The following PHEX variants were observed in gnomAD, a reference collection of about 807,000 sequenced individuals.
PHEX encodes phosphate regulating endopeptidase X-linked.
A neutral mutation model predicts 68.0 loss-of-function variants in PHEX; 16 were observed. That is an observed-to-expected ratio of 0.24 (90% CI 0.16 to 0.36). The LOEUF (loss-of-function observed/expected upper bound fraction) is 0.36. Ranked by LOEUF, PHEX falls within the 10% of genes least tolerant of loss-of-function variation. The pLI, the probability that PHEX is intolerant of heterozygous loss-of-function variation, is 1.00. For missense variants in PHEX, 480 were observed against 575.5 expected (o/e 0.83, Z 1.70); for synonymous variants, 208 against 205.1 (o/e 1.01, Z -0.12).
chrX:22,201,588 A>T (rs887003625), intron 15 of PHEX, among the ~76,000 whole-genome samples: 1 of 111,536 alleles, frequency 9.0e-6, no homozygotes, highest in Non-Finnish European at 1.9e-5. Context: ...GAGGCACCTG[A>T]GAATGGTGTT....
At chrX:22,132,319 G>A (rs1932043634) in intron 11 of PHEX, among the ~76,000 whole-genome samples, 1 of 110,924 alleles carries the variant, frequency 9.0e-6, no homozygotes, top group Non-Finnish European at 1.9e-5. Context: ...TGTTGCCCAG[G>A]CTGGTCTCGA....
intron 20 of PHEX, among the ~76,000 whole-genome samples, chrX:22,235,746 A>G (rs1424699679): frequency 1.8e-5 from 2 of 110,389 alleles, no homozygotes; most frequent in African/African-American, 6.8e-5. Context: ...ATATATAGTT[A>G]GTTATCATAT....
intron 20 of PHEX, among the ~76,000 whole-genome samples, chrX:22,243,063 G>A (rs942609281): frequency 8.9e-6 from 1 of 111,833 alleles, no homozygotes. Flanking sequence ...AAACAGCATG[G>A]TACTGGTACC....
intron 20 of PHEX, among the ~76,000 whole-genome samples, chrX:22,239,160 GACAA>G (rs377387202): frequency 2.4e-4 from 27 of 111,862 alleles, no homozygotes; most frequent in African/African-American, 8.1e-4. Context: ...AAGGAAAACT[GACAA>G]ACAAACAGAA....
At chrX:22,243,688 C>T (rs1283665731) in intron 20 of PHEX, among the ~76,000 whole-genome samples, 1 of 112,536 alleles carries the variant, frequency 8.9e-6, no homozygotes. Flanking sequence ...TGCTCATTTT[C>T]ACTGGTCATT....
chrX:22,051,851 A>AT (rs1413841714), intron 3 of PHEX, among the ~76,000 whole-genome samples: 1 of 111,848 alleles, frequency 8.9e-6, no homozygotes, highest in Non-Finnish European at 1.9e-5. Flanking sequence ...AGATACATAG[A>AT]TTTTTTTCTG....
intron 12 of PHEX, among the ~76,000 whole-genome samples, chrX:22,160,214 A>G (rs1014302602): frequency 1.8e-5 from 2 of 111,744 alleles, no homozygotes; most frequent in East Asian, 5.6e-4. Context: ...AGGCAAAGGA[A>G]GAGCAAAGTC....
At chrX:22,103,566 A>C (rs1930525365) in intron 9 of PHEX, among the ~76,000 whole-genome samples, 1 of 111,574 alleles carries the variant, frequency 9.0e-6, no homozygotes. Context: ...ATGTTTTTCC[A>C]TTCCTGAGTT....
intron 18 of PHEX, among the ~76,000 whole-genome samples, chrX:22,225,684 A>C (rs1055060231): frequency 8.9e-6 from 1 of 112,330 alleles, no homozygotes; most frequent in East Asian, 2.8e-4. Flanking sequence ...CCACAATATT[A>C]TTCTTCTTTT....
At chrX:22,175,208 C>T (rs916545305) in intron 13 of PHEX, among the ~76,000 whole-genome samples, 1 of 112,145 alleles carries the variant, frequency 8.9e-6, no homozygotes, top group African/African-American at 3.2e-5. Context: ...TTTAAATTAT[C>T]TTTCTAAACA....
intron 3 of PHEX, among the ~76,000 whole-genome samples, chrX:22,056,234 G>A (rs147847231): frequency 0.013 from 1,501 of 112,000 alleles, 11 homozygotes; most frequent in Non-Finnish European, 0.022. Flanking sequence ...ACTCAAACTG[G>A]CTTAAACAAT....
intron 20 of PHEX, among the ~76,000 whole-genome samples, chrX:22,241,743 T>C (rs1482701332): frequency 8.9e-6 from 1 of 111,927 alleles, no homozygotes; most frequent in Non-Finnish European, 1.9e-5. Context: ...AATCCCTGAA[T>C]AGACCAATAA....
intron 11 of PHEX, among the ~76,000 whole-genome samples, chrX:22,121,903 C>T (rs777249067): frequency 1.9e-4 from 21 of 112,205 alleles, no homozygotes; most frequent in African/African-American, 6.1e-4. Flanking sequence ...CATACTGCTA[C>T]ATCTGGTGTT....
chrX:22,120,833 G>T (rs751015037), intron 11 of PHEX, among the ~76,000 whole-genome samples: 1 of 112,050 alleles, frequency 8.9e-6, no homozygotes, highest in Non-Finnish European at 1.9e-5. Flanking sequence ...TACTAAGGCG[G>T]AAATGTGAAT....
At chrX:22,143,577 C>G (rs1220194215) in intron 12 of PHEX, among the ~76,000 whole-genome samples, 3 of 112,330 alleles carry the variant, frequency 2.7e-5, no homozygotes, top group Non-Finnish European at 5.6e-5. Context: ...ATTCCCCACT[C>G]CCCCAGCTCC....
chrX:22,066,948 G>A (rs1928631000), intron 3 of PHEX, among the ~76,000 whole-genome samples: 1 of 111,421 alleles, frequency 9.0e-6, no homozygotes, highest in Non-Finnish European at 1.9e-5. Context: ...AACTGGAATT[G>A]AAAATAGATA....
intron 12 of PHEX, among the ~76,000 whole-genome samples, chrX:22,137,698 G>T (rs1399263487): frequency 9.0e-6 from 1 of 111,456 alleles, no homozygotes; most frequent in African/African-American, 3.3e-5. Context: ...ATCCCCACCT[G>T]CTGAGCTCTG....
At chrX:22,116,581 G>C (rs1468502386) in intron 11 of PHEX, among the ~76,000 whole-genome samples, 1 of 111,027 alleles carries the variant, frequency 9.0e-6, no homozygotes, top group Non-Finnish European at 1.9e-5. Context: ...AATACCAAAT[G>C]GTTGGTATTA....
chrX:22,162,657 T>C (rs1933174962), intron 12 of PHEX: 1 of 112,512 alleles, frequency 8.9e-6, no homozygotes, highest in Admixed American at 9.5e-5. Flanking sequence ...TTTAGTAATT[T>C]TTTTCTCAAC....
Sources: gnomAD v4.1 joint callset for allele counts (sites outside exome capture counted in the v4.1 genomes callset) on GRCh38, gnomAD v4.1.1 for gene constraint, MANE v1.5 for transcripts, NCBI Gene and HGNC (gene_info 2026-07-23, HGNC 2026-07-21) for gene names.